C1QTNF7: variants seen among roughly 807,000 people sequenced by gnomAD.
C1QTNF7 encodes complement C1q tumor necrosis factor-related protein 7.
C1QTNF7 carries 15 observed loss-of-function variants against 19.6 expected under a neutral mutation model. The ratio of observed to expected loss-of-function variants is 0.76; its 90% CI spans 0.51 to 1.18. C1QTNF7 has a LOEUF of 1.18. Ranked by LOEUF, C1QTNF7 falls within the 50% of genes most tolerant of loss-of-function variation. The probability of loss-of-function intolerance (pLI) is 0.00; values close to 1 mark genes in which losing one functional copy is unlikely to be tolerated. For missense variants in C1QTNF7, 324 were observed against 359.7 expected (o/e 0.90, Z 0.80); for synonymous variants, 142 against 137.5 (o/e 1.03, Z -0.23).
At chr4:15,342,417 G>A (rs1461548250) in intron 1 of C1QTNF7, among the ~76,000 whole-genome samples, 1 of 152,208 alleles carries the variant, frequency 6.6e-6, no homozygotes, top group African/African-American at 2.4e-5. Context: ...AACCTTAACC[G>A]AGTGTCCACT....
rs562122283 is a variant in C1QTNF7, at chr4:15,368,465, G to A, written c.13+28258G>A. 5.3e-5 allele frequency among the ~76,000 whole-genome samples: 8 copies of A among 151,574 alleles called. No individual in the cohort carries two copies. In the East Asian group the frequency reaches 5.8e-4, roughly 11 times the overall value. On this transcript the variant is annotated intron_variant, in intron 1 of 2. Transcript: ENST00000295297. ...CTCCCCCAACCCCATGACAGGCCCCGGTGTGTGATGTTCCCCTCCCTGTGT... is the reference window on the plus strand; with the variant it reads ...CTCCCCCAACCCCATGACAGGCCCCAGTGTGTGATGTTCCCCTCCCTGTGT...
intron 1 of C1QTNF7, among the ~76,000 whole-genome samples, chr4:15,379,010 A>G (rs1252821993): frequency 1.3e-5 from 2 of 152,182 alleles, no homozygotes; most frequent in Non-Finnish European, 2.9e-5. Context: ...TGTCTTTGTC[A>G]CCATAGTGAC....
At chr4:15,340,442 C>G (rs1716499783) in intron 1 of C1QTNF7, among the ~76,000 whole-genome samples, 1 of 152,094 alleles carries the variant, frequency 6.6e-6, no homozygotes, top group Non-Finnish European at 1.5e-5. Context: ...TATAAAAAAT[C>G]CCATTTGTTT....
chr4:15,418,668 T>C (rs1184727476), intron 1 of C1QTNF7, among the ~76,000 whole-genome samples: 1 of 152,162 alleles, frequency 6.6e-6, no homozygotes, highest in Admixed American at 6.5e-5. Context: ...CTCTCTTTAG[T>C]TATATAGGTA....
chr4:15,374,539 G>A (rs1717855158), intron 1 of C1QTNF7: 1 of 984,070 alleles, frequency 1.0e-6, no homozygotes, highest in Admixed American at 6.1e-5. Context: ...ATCTGTGTAG[G>A]CCACAGCGTC....
At chr4:15,431,542 T>C (rs1427205233) in intron 1 of C1QTNF7, among the ~76,000 whole-genome samples, 1 of 152,244 alleles carries the variant, frequency 6.6e-6, no homozygotes, top group East Asian at 1.9e-4. Flanking sequence ...CTATGTCAAA[T>C]TAAAACAACT....
In C1QTNF7 at chr4:15,362,758, C is replaced by T. The variant is rs148489306; in HGVS notation, c.13+22551C>T. On this transcript the variant is annotated intron_variant, in intron 1 of 2. Coordinates refer to the C1QTNF7 transcript ENST00000295297. ...CATGCCTCTACACCACACGTTGGTG[C>T]CAGATGTTAACTGGGCAAGCTTGGC... 2.5e-3 allele frequency among the ~76,000 whole-genome samples: 384 copies of T among 152,258 alleles called. 19 individuals are homozygous for T. The highest frequency in any genetic ancestry group is 0.019 in the Admixed American group (287 of 15,284).
At chr4:15,357,811 G>A (rs1191126211) in intron 1 of C1QTNF7, among the ~76,000 whole-genome samples, 1 of 152,134 alleles carries the variant, frequency 6.6e-6, no homozygotes, top group Non-Finnish European at 1.5e-5. Flanking sequence ...TCCCTCGTAA[G>A]TTGTATTCCT....
At chr4:15,393,428 G>T (rs989778118) in intron 1 of C1QTNF7, among the ~76,000 whole-genome samples, 1 of 152,118 alleles carries the variant, frequency 6.6e-6, no homozygotes, top group Non-Finnish European at 1.5e-5. Context: ...TTAGAAGGAG[G>T]CCCCCAGGAA....
At chr4:15,350,370 G>C (rs971572600) in intron 1 of C1QTNF7, among the ~76,000 whole-genome samples, 2 of 150,632 alleles carry the variant, frequency 1.3e-5, no homozygotes, top group Non-Finnish European at 3.0e-5. Flanking sequence ...AAGGAAAAAA[G>C]AATTCTGAAT....
intron 1 of C1QTNF7, among the ~76,000 whole-genome samples, chr4:15,390,223 A>G (rs1290729916): frequency 6.6e-6 from 1 of 152,202 alleles, no homozygotes; most frequent in Non-Finnish European, 1.5e-5. Flanking sequence ...CTGGAACACT[A>G]AGGAAGGAGC....
chr4:15,416,364 G>A (rs1475481438), intron 1 of C1QTNF7, among the ~76,000 whole-genome samples: 1 of 152,206 alleles, frequency 6.6e-6, no homozygotes. Flanking sequence ...GGCAGACAGG[G>A]TTGGAATACC....
At chr4:15,359,121 G>A (rs951402738) in intron 1 of C1QTNF7, among the ~76,000 whole-genome samples, 1 of 152,114 alleles carries the variant, frequency 6.6e-6, no homozygotes, top group Non-Finnish European at 1.5e-5. Context: ...TGGGCGGCTA[G>A]GCATAGGCAT....
Position 15,405,856 on chromosome 4 carries a change from T to C in C1QTNF7, c.14-29880T>C, listed in dbSNP as rs74699627. The stretch of plus-strand genomic sequence containing the variant: ...CTGGCTTCACCTCTGATACCCCCAC[T>C]TGCTCTGTCCTCTGCCATCTCACTC... On this transcript the variant is annotated intron_variant, in intron 1 of 2. Transcript: ENST00000295297. 9.1e-3 allele frequency among the ~76,000 whole-genome samples: 1,379 copies of C among 152,272 alleles called. 78 individuals carry two copies. In the East Asian group the frequency reaches 0.17, roughly 19 times the overall value.
chr4:15,365,035 A>G (rs1392551656), intron 1 of C1QTNF7, among the ~76,000 whole-genome samples: 1 of 152,152 alleles, frequency 6.6e-6, no homozygotes, highest in East Asian at 1.9e-4. Context: ...GAAAATACAC[A>G]CTAGAGTTGA....
At chr4:15,374,416 A>T in intron 1 of C1QTNF7, 1 of 269,620 alleles carries the variant, frequency 3.7e-6, no homozygotes, top group Non-Finnish European at 5.7e-6. Flanking sequence ...GTCCAGACTC[A>T]CTGTGCTATT....
chr4:15,441,434 C>A (rs988456340), intron 2 of C1QTNF7, among the ~76,000 whole-genome samples: 2 of 152,166 alleles, frequency 1.3e-5, no homozygotes, highest in African/African-American at 2.4e-5. Context: ...TTGATTAATT[C>A]TCTTATTATT....
intron 1 of C1QTNF7, among the ~76,000 whole-genome samples, chr4:15,360,399 A>G (rs1189906412): frequency 6.6e-6 from 1 of 152,190 alleles, no homozygotes; most frequent in East Asian, 1.9e-4. Flanking sequence ...TGTTTTACGT[A>G]TGCTTACGTT....
intron 1 of C1QTNF7, among the ~76,000 whole-genome samples, chr4:15,395,096 C>A: frequency 6.6e-6 from 1 of 152,086 alleles, no homozygotes; most frequent in East Asian, 1.9e-4. Context: ...GGTCAGGGGG[C>A]AGAAGGGAGA....
Sources: gnomAD v4.1 joint callset for allele counts (sites outside exome capture counted in the v4.1 genomes callset) on GRCh38, gnomAD v4.1.1 for gene constraint, MANE v1.5 for transcripts, NCBI Gene and HGNC (gene_info 2026-07-23, HGNC 2026-07-21) for gene names.